Variants in HMOX1 observed in about 807,000 individuals in gnomAD.
HMOX1 encodes heme oxygenase 1, also known as heat shock protein, 32-kD.
HMOX1 carries 22 observed loss-of-function variants against 27.8 expected under a neutral mutation model. The observed-to-expected ratio is 0.79, with a 90% confidence interval of 0.57 to 1.13. The LOEUF (loss-of-function observed/expected upper bound fraction) is 1.13. HMOX1 is among the 50% of genes most tolerant of loss of function. The pLI, the probability that HMOX1 is intolerant of heterozygous loss-of-function variation, is 0.00. For missense variants in HMOX1, 379 were observed against 377.7 expected (o/e 1.00, Z -0.03); for synonymous variants, 153 against 151.6 (o/e 1.01, Z -0.07).
Position 35,385,609 on chromosome 22 carries a change from CTTTTTTT to C in HMOX1, c.145-1060_145-1054del, listed in dbSNP as rs71191362. ...CATGCACCCCCACAGCCATACCTGG[CTTTTTTT>C]TTTTTTTTTTTTTTTCTGAGTCAAA... On this transcript the variant is annotated intron_variant, in intron 2 of 4. Transcript: ENST00000216117. Among the ~76,000 whole-genome samples, 5 of 94,192 alleles carry C rather than the reference CTTTTTTT, an allele frequency of 5.3e-5. No individual in the cohort carries two copies. The East Asian group carries it at 1.3e-3, about 24-fold the overall frequency. The allele number at this position is 94,192 out of a possible 152,430, so 61.8% of individuals were successfully genotyped here.
intron 2 of HMOX1, among the ~76,000 whole-genome samples, chr22:35,386,057 G>A (rs913182556): frequency 2.0e-5 from 3 of 151,696 alleles, no homozygotes; most frequent in East Asian, 1.9e-4. Context: ...CCGGGTTCAC[G>A]CCATTCTCCT....
chr22:35,384,800 G>A (rs536388301), intron 2 of HMOX1, among the ~76,000 whole-genome samples: 1 of 149,800 alleles, frequency 6.7e-6, no homozygotes, highest in Admixed American at 6.8e-5. Flanking sequence ...GACTAGCACA[G>A]TTGGCTAGCA....
chr22:35,391,481 G>A (rs1931718114), intron 4 of HMOX1, among the ~76,000 whole-genome samples: 1 of 150,754 alleles, frequency 6.6e-6, no homozygotes, highest in Non-Finnish European at 1.5e-5. Flanking sequence ...TAGAGACGGG[G>A]TTTCACTGTG....
rs1374172290 is a variant in HMOX1, at chr22:35,386,691, A to T, written c.151A>T (p.Met51Leu). 3 of 1,613,980 alleles carry T rather than the reference A, an allele frequency of 1.9e-6. No homozygotes were observed. Among genetic ancestry groups the T allele is most frequent in the Non-Finnish European group, 2.5e-6 (3 of 1,180,010 alleles). The part of the protein sequence containing the change: ...QVTRDGFKLV[M>L]ASLYHIYVAL... The stretch of plus-strand genomic sequence containing the variant: ...CTGCTCACTCTGCTTTCAGCTGGTG[A>T]TGGCCTCCCTGTACCACATCTATGT... Residue 51 changes from methionine (M) to leucine (L), a missense_variant, in exon 3 of 5, where the codon ATG becomes TTG. Physicochemically the swap from Met to Leu is conservative, Grantham distance 15. Coordinates refer to ENST00000216117, the MANE Select transcript of HMOX1 (RefSeq NM_002133.3).
At chr22:35,391,757 ATTT>A (rs36054326) in intron 4 of HMOX1, among the ~76,000 whole-genome samples, 2 of 139,984 alleles carry the variant, frequency 1.4e-5, no homozygotes, top group African/African-American at 5.3e-5. Context: ...CCACACCCAG[ATTT>A]TTTTTTTTTT....
chr22:35,385,820 T>C (rs1226661633), intron 2 of HMOX1, among the ~76,000 whole-genome samples: 1 of 151,892 alleles, frequency 6.6e-6, no homozygotes, highest in Non-Finnish European at 1.5e-5. Context: ...TTCACCATAT[T>C]GCCCAGGCTG....
At chr22:35,384,116 C>G (rs1931450933) in intron 2 of HMOX1, among the ~76,000 whole-genome samples, 1 of 152,002 alleles carries the variant, frequency 6.6e-6, no homozygotes, top group Non-Finnish European at 1.5e-5. Context: ...GAGTCTCACT[C>G]TGTTGTCCGG....
chr22:35,388,813 C>A (rs56160651), intron 3 of HMOX1, among the ~76,000 whole-genome samples: 19,694 of 146,818 alleles, frequency 0.13, 2,641 homozygotes, highest in African/African-American at 0.35. Context: ...AAAAAACAAA[C>A]AAAAAAAAAC....
chr22:35,389,064 C>T (rs1393205628), intron 3 of HMOX1, among the ~76,000 whole-genome samples: 1 of 152,142 alleles, frequency 6.6e-6, no homozygotes, highest in African/African-American at 2.4e-5. Context: ...AGGCTAAGGA[C>T]ATGGGCGGCC....
chr22:35,391,582 C>T (rs112296163), intron 4 of HMOX1, among the ~76,000 whole-genome samples: 1,707 of 130,442 alleles, frequency 0.013, 29 homozygotes, highest in African/African-American at 0.041. Context: ...CCACCGCGCC[C>T]GGCCTTTTTT....
At chr22:35,390,926 A>G (rs1463038266) in intron 4 of HMOX1, among the ~76,000 whole-genome samples, 2 of 152,198 alleles carry the variant, frequency 1.3e-5, no homozygotes, top group African/African-American at 4.8e-5. Flanking sequence ...AAAAGACCAA[A>G]GTGCTCCACA....
intron 3 of HMOX1, among the ~76,000 whole-genome samples, chr22:35,387,711 C>A (rs1475687723): frequency 3.3e-5 from 5 of 152,182 alleles, no homozygotes; most frequent in Non-Finnish European, 1.5e-5. Context: ...AGGATGAATT[C>A]TTGGGCAGAG....
intron 4 of HMOX1, chr22:35,390,166 T>C: frequency 1.6e-6 from 1 of 607,076 alleles, no homozygotes; most frequent in Non-Finnish European, 3.0e-6. Context: ...CTTCAAGCAA[T>C]CCTCTTGCCT....
chr22:35,386,100 C>G (rs191574733), intron 2 of HMOX1, among the ~76,000 whole-genome samples: 2 of 151,826 alleles, frequency 1.3e-5, no homozygotes, highest in South Asian at 2.1e-4. Context: ...GAACTACAGG[C>G]GCCCGCCACC....
chr22:35,385,141 G>C (rs1931472982), intron 2 of HMOX1, among the ~76,000 whole-genome samples: 1 of 152,154 alleles, frequency 6.6e-6, no homozygotes, highest in Non-Finnish European at 1.5e-5. Context: ...CTCAAGACCT[G>C]TTGCCTCAGC....
chr22:35,390,515 C>T (rs961146095), intron 4 of HMOX1, among the ~76,000 whole-genome samples: 3 of 152,116 alleles, frequency 2.0e-5, no homozygotes, highest in African/African-American at 7.2e-5. Flanking sequence ...AGGCGTGAGT[C>T]ACTGTGCCCG....
Position 35,394,047 on chromosome 22 carries a change from G to A in HMOX1, c.*449G>A, listed in dbSNP as rs1277499426. ...TTTTTGTTGGAGCCACTCTGTTCCT[G>A]GCTCAGCCTCAAATGCAGTATTTTT... On this transcript the variant is annotated 3_prime_UTR_variant, in exon 5 of 5. Transcript: ENST00000216117. 1.7e-5 allele frequency: 5 copies of A among 286,584 alleles called. No individual in the cohort carries two copies. Among genetic ancestry groups the A allele is most frequent in the Admixed American group, 9.5e-5 (2 of 21,096 alleles). 17.8% of individuals were successfully genotyped at this position (286,584 alleles called of 1,614,324 possible). A position where few individuals can be genotyped will look rare whatever the true frequency, so the allele number is the denominator to read the frequency against.
At chr22:35,389,731 G>T in intron 3 of HMOX1, 133 bp from the exon 4 acceptor site, 1 of 721,600 alleles carries the variant, frequency 1.4e-6, no homozygotes, top group Non-Finnish European at 2.5e-6. Flanking sequence ...GCGCACCACC[G>T]TGTCCGGCCA....
Position 35,393,776 on chromosome 22 carries a change from C to A in HMOX1, c.*178C>A. On this transcript the variant is annotated 3_prime_UTR_variant, in exon 5 of 5. Coordinates refer to ENST00000216117, the MANE Select transcript of HMOX1 (RefSeq NM_002133.3). ...AGGAAGGAGCCTATGGCATCTTCCCCAACGAAAAGCACATCCAGGCAATGG... is the reference window on the plus strand; with the variant it reads ...AGGAAGGAGCCTATGGCATCTTCCCAAACGAAAAGCACATCCAGGCAATGG... 1 of 747,804 alleles carries A rather than the reference C, an allele frequency of 1.3e-6. No homozygotes were observed. 46.3% of individuals were successfully genotyped at this position (747,804 alleles called of 1,614,324 possible). A position where few individuals can be genotyped will look rare whatever the true frequency, so the allele number is the denominator to read the frequency against.
Sources: gnomAD v4.1 joint callset for allele counts (sites outside exome capture counted in the v4.1 genomes callset) on GRCh38, gnomAD v4.1.1 for gene constraint, MANE v1.5 for transcripts, NCBI Gene and HGNC (gene_info 2026-07-23, HGNC 2026-07-21) for gene names.